PCDHA5: variants seen among roughly 807,000 people sequenced by gnomAD.
PCDHA5 encodes protocadherin alpha 5, also known as protocadherin alpha-5.
PCDHA5 carries 43 observed loss-of-function variants against 61.6 expected under a neutral mutation model. The ratio of observed to expected loss-of-function variants is 0.70; its 90% CI spans 0.55 to 0.90. The LOEUF (loss-of-function observed/expected upper bound fraction) is 0.90. Ranked by LOEUF, PCDHA5 falls within the 40% of genes least tolerant of loss-of-function variation. The probability of loss-of-function intolerance (pLI) is 0.00; values close to 1 mark genes in which losing one functional copy is unlikely to be tolerated. For missense variants in PCDHA5, 1,298 were observed against 1,222.7 expected (o/e 1.06, Z -0.92); for synonymous variants, 627 against 543.9 (o/e 1.15, Z -2.13).
intron 1 of PCDHA5, among the ~76,000 whole-genome samples, chr5:140,904,217 T>C (rs1554191375): frequency 6.6e-6 from 1 of 151,964 alleles, no homozygotes; most frequent in Non-Finnish European, 1.5e-5. Flanking sequence ...CCAAAGTCCA[T>C]TGTATTATAC....
At chr5:140,934,196 C>T in intron 1 of PCDHA5, among the ~76,000 whole-genome samples, 1 of 152,068 alleles carries the variant, frequency 6.6e-6, no homozygotes, top group East Asian at 1.9e-4. Context: ...CTTTTCATTT[C>T]TATTTCCTCA....
Position 140,856,993 on chromosome 5 carries a change from T to C in PCDHA5, c.2352+32866T>C, listed in dbSNP as rs201643490. Reference sequence around the variant, plus strand: ...TTGACTTTGAGGACAGTAACACTTATGAAATTCATGTAGATGTTACAGATA... The same window carrying C: ...TTGACTTTGAGGACAGTAACACTTACGAAATTCATGTAGATGTTACAGATA... On this transcript the variant is annotated intron_variant, in intron 1 of 3. Coordinates refer to ENST00000529859, the MANE Select transcript of PCDHA5 (RefSeq NM_018908.3). The C allele has an allele frequency of 7.3e-5, 117 of 1,595,326 alleles. 13 individuals are homozygous for C. The highest frequency in any genetic ancestry group is 9.6e-5 in the Non-Finnish European group (112 of 1,165,156).
At chr5:140,951,876 G>A (rs1554220112) in intron 1 of PCDHA5, among the ~76,000 whole-genome samples, 1 of 152,094 alleles carries the variant, frequency 6.6e-6, no homozygotes, top group East Asian at 1.9e-4. Context: ...CTGAGACAAG[G>A]CAACTCTCTT....
intron 1 of PCDHA5, among the ~76,000 whole-genome samples, chr5:140,959,312 C>G (rs2095480226): frequency 6.6e-6 from 1 of 151,968 alleles, no homozygotes; most frequent in South Asian, 2.1e-4. Flanking sequence ...GTGGTTGAAG[C>G]TGCAATAAGT....
At chr5:140,849,896 C>A in intron 1 of PCDHA5, 1 of 1,598,590 alleles carries the variant, frequency 6.3e-7, no homozygotes, top group Non-Finnish European at 8.6e-7. Flanking sequence ...TGAAGGAGAA[C>A]AACCCGCCGG....
chr5:140,876,979 G>T lies in PCDHA5; in HGVS notation c.2352+52852G>T. ...GGTGGAGCGGCGGGTGGGCGAGCAC[G>T]CACTGTCGAGCTACGTGTCGGTGCA... On this transcript the variant is annotated intron_variant, in intron 1 of 3. Transcript: ENST00000529859. The T allele has an allele frequency of 2.5e-6, 4 of 1,612,614 alleles. No homozygotes were observed. The South Asian group carries it at 3.3e-5, about 13-fold the overall frequency.
At chr5:140,904,113 G>C (rs1051705657) in intron 1 of PCDHA5, among the ~76,000 whole-genome samples, 4 of 152,248 alleles carry the variant, frequency 2.6e-5, no homozygotes, top group African/African-American at 9.6e-5. Context: ...TCATTGCTGA[G>C]ATTTTGGTGC....
At chr5:140,889,339 G>A (rs1554183871) in intron 1 of PCDHA5, among the ~76,000 whole-genome samples, 1 of 151,948 alleles carries the variant, frequency 6.6e-6, no homozygotes, top group Admixed American at 6.6e-5. Flanking sequence ...TTTGATTGGT[G>A]GGAATATTTC....
chr5:140,823,823 C>T lies in PCDHA5; in HGVS notation c.2048C>T (p.Ala683Val), dbSNP rs2150129427. 5.6e-6 allele frequency: 9 copies of T among 1,613,816 alleles called. No homozygotes were observed. In the Admixed American group the frequency reaches 1.3e-4, roughly 24 times the overall value. Residue 683 changes from alanine (A) to valine (V), a missense_variant, in exon 1 of 4, where the codon GCG (alanine) becomes GTG (valine). Ala to Val is a moderately conservative substitution (Grantham distance 64, BLOSUM62 0). Coordinates refer to ENST00000529859, the MANE Select transcript of PCDHA5 (RefSeq NM_018908.3). ...CCGAAGGCCTCATCGCGGGCGTCGG[C>T]GGGCGCTGTGGGTCCCGAGGCTGCC... is the stretch of plus-strand genomic sequence containing the variant. ...QAPKASSRAS[A>V]GAVGPEAALV...
At chr5:140,877,599 C>A in intron 1 of PCDHA5, 1 of 1,613,882 alleles carries the variant, frequency 6.2e-7, no homozygotes, top group South Asian at 1.1e-5. Flanking sequence ...CGGTGTCCAG[C>A]CTGCTGGTGC....
intron 3 of PCDHA5, among the ~76,000 whole-genome samples, chr5:141,008,972 C>T (rs1554261973): frequency 6.6e-6 from 1 of 152,148 alleles, no homozygotes; most frequent in African/African-American, 2.4e-5. Context: ...CATTTATAGC[C>T]AAAGTTTAAT....
At chr5:140,953,540 T>C (rs1217393469) in intron 1 of PCDHA5, among the ~76,000 whole-genome samples, 1 of 152,174 alleles carries the variant, frequency 6.6e-6, no homozygotes, top group Non-Finnish European at 1.5e-5. Flanking sequence ...CACTTCATGC[T>C]GATTCTTTTC....
intron 1 of PCDHA5, among the ~76,000 whole-genome samples, chr5:140,946,772 TG>T (rs2094025159): frequency 6.6e-6 from 1 of 151,346 alleles, no homozygotes; most frequent in Non-Finnish European, 1.5e-5. Context: ...TCATGTGGAA[TG>T]TAAAAAAGCT....
rs186453463 is a variant in PCDHA5 at position 140,951,770 on chromosome 5, C to T, written c.2353-27179C>T. On this transcript the variant is annotated intron_variant, in intron 1 of 3. Transcript: ENST00000529859. ...ACCCTCCGCGAAATCTCATGACGTT[C>T]TTACATTGCAAAATACAATTATCCC... 1.6e-3 allele frequency among the ~76,000 whole-genome samples: 247 copies of T among 152,268 alleles called. 1 individual carries two copies. The highest frequency in any genetic ancestry group is 5.5e-3 in the African/African-American group (229 of 41,576).
At chr5:140,967,643 A>G in intron 1 of PCDHA5, 1 of 1,614,164 alleles carries the variant, frequency 6.2e-7, no homozygotes, top group East Asian at 2.2e-5. Flanking sequence ...TGGTGAGCTC[A>G]GGTACTCCTT....
At chr5:140,932,538 T>C (rs538830618) in intron 1 of PCDHA5, among the ~76,000 whole-genome samples, 1 of 152,036 alleles carries the variant, frequency 6.6e-6, no homozygotes, top group South Asian at 2.1e-4. Context: ...CAAGGTGCTT[T>C]ATTTAACATA....
intron 1 of PCDHA5, chr5:140,969,215 C>A (rs782320507): frequency 6.2e-7 from 1 of 1,614,010 alleles, no homozygotes; most frequent in Admixed American, 1.7e-5. Context: ...CCAGACAGGA[C>A]CAGGGCCTTC....
At chr5:140,883,511 C>A in intron 1 of PCDHA5, 2 of 1,614,186 alleles carry the variant, frequency 1.2e-6, no homozygotes, top group Middle Eastern at 1.7e-4. Context: ...CGCCCTGGAC[C>A]GCGAGAGCGT....
intron 1 of PCDHA5, among the ~76,000 whole-genome samples, chr5:140,952,990 G>T (rs1218296143): frequency 6.6e-6 from 1 of 152,042 alleles, no homozygotes; most frequent in Non-Finnish European, 1.5e-5. Context: ...GATCTCATGA[G>T]AACTCTCTCA....
Sources: allele counts gnomAD v4.1 joint callset (sites outside exome capture counted in the v4.1 genomes callset), GRCh38; gene constraint gnomAD v4.1.1; transcripts MANE v1.5; gene names NCBI Gene and HGNC (gene_info 2026-07-23, HGNC 2026-07-21).